Variants in STXBP5L observed in about 807,000 individuals in gnomAD.
STXBP5L encodes syntaxin binding protein 5L, also known as syntaxin-binding protein 5-like.
STXBP5L carries 65 observed loss-of-function variants against 144.5 expected under a neutral mutation model. The ratio of observed to expected loss-of-function variants is 0.45; its 90% CI spans 0.37 to 0.55. The LOEUF is 0.55. Ranked by LOEUF, STXBP5L falls within the 20% of genes least tolerant of loss-of-function variation. The pLI is 0.00. For synonymous variants in STXBP5L, 505 were observed against 469.6 expected (o/e 1.08, Z -0.97); for missense variants, 1,298 against 1,405.5 (o/e 0.92, Z 1.22).
intron 5 of STXBP5L, among the ~76,000 whole-genome samples, chr3:121,080,021 A>G (rs1025993046): frequency 6.6e-6 from 1 of 152,190 alleles, no homozygotes; most frequent in Non-Finnish European, 1.5e-5. Context: ...AGGTGGATAT[A>G]AATTTAGAAT....
chr3:121,237,459 G>T (rs1215673149), intron 12 of STXBP5L, among the ~76,000 whole-genome samples: 1 of 152,204 alleles, frequency 6.6e-6, no homozygotes, highest in Non-Finnish European at 1.5e-5. Flanking sequence ...CTGTGATTGT[G>T]ATGGGATGGG....
intron 14 of STXBP5L, among the ~76,000 whole-genome samples, chr3:121,243,594 C>T (rs1244115000): frequency 2.6e-5 from 4 of 151,512 alleles, no homozygotes; most frequent in African/African-American, 4.8e-5. Flanking sequence ...CTACTTGCCC[C>T]GAGAATACTC....
intron 20 of STXBP5L, among the ~76,000 whole-genome samples, chr3:121,353,214 A>G (rs1389742702): frequency 3.9e-5 from 6 of 152,142 alleles, no homozygotes; most frequent in African/African-American, 1.2e-4. Flanking sequence ...GTTTGGGAGG[A>G]TCCCCTCTTT....
At chr3:121,199,955 G>A (rs780701304) in intron 9 of STXBP5L, among the ~76,000 whole-genome samples, 1 of 151,878 alleles carries the variant, frequency 6.6e-6, no homozygotes, top group Non-Finnish European at 1.5e-5. Flanking sequence ...TTTTTTTCTT[G>A]TGTTTCTGCC....
intron 3 of STXBP5L, among the ~76,000 whole-genome samples, chr3:120,979,399 A>G (rs1337726248): frequency 6.6e-6 from 1 of 152,166 alleles, no homozygotes; most frequent in African/African-American, 2.4e-5. Flanking sequence ...AGCCTGTCGG[A>G]AAAGCGCAGT....
At chr3:120,963,424 T>C (rs1939121914) in intron 3 of STXBP5L, among the ~76,000 whole-genome samples, 1 of 152,212 alleles carries the variant, frequency 6.6e-6, no homozygotes. Context: ...TAAATAGCTC[T>C]TATTATTTTG....
At chr3:121,101,359 A>G (rs9835852) in intron 5 of STXBP5L, among the ~76,000 whole-genome samples, 15,108 of 145,774 alleles carry the variant, frequency 0.1, 1,179 homozygotes, top group Admixed American at 0.21. Flanking sequence ...TACTAAGAAA[A>G]AGAATCCAAC....
chr3:121,221,854 T>C (rs1403433971), intron 10 of STXBP5L, among the ~76,000 whole-genome samples: 7 of 151,872 alleles, frequency 4.6e-5, no homozygotes, highest in African/African-American at 1.7e-4. Flanking sequence ...TTTATATGTA[T>C]GTTTGTATAG....
In STXBP5L at chr3:121,424,616, ATCTT is replaced by A. The variant is rs1440303221; in HGVS notation, c.*5526_*5529del. On this transcript the variant is annotated 3_prime_UTR_variant, in exon 27 of 27. Transcript: ENST00000471454. ...AAGAAACAGATGACATCATTGATGT[ATCTT>A]TCTTTCATCTTCAGAATTTTTGCAT... 4 of 152,228 alleles carry A rather than the reference ATCTT, an allele frequency of 2.6e-5. No individual in the cohort carries two copies. Among genetic ancestry groups the A allele is most frequent in the African/African-American group, 7.2e-5 (3 of 41,470 alleles). 9.4% of individuals were successfully genotyped at this position (152,228 alleles called of 1,614,324 possible). A position where few individuals can be genotyped will look rare whatever the true frequency, so the allele number is the denominator to read the frequency against.
At chr3:121,237,526 G>C (rs1274819163) in intron 12 of STXBP5L, among the ~76,000 whole-genome samples, 1 of 152,130 alleles carries the variant, frequency 6.6e-6, no homozygotes, top group African/African-American at 2.4e-5. Context: ...TTAATACCTT[G>C]CTCTCTTACT....
Position 121,152,460 on chromosome 3 carries a change from G to T in STXBP5L, c.670-17G>T, listed in dbSNP as rs761727972. 12 of 1,555,842 alleles carry T rather than the reference G, an allele frequency of 7.7e-6. No individual in the cohort carries two copies. The highest frequency in any genetic ancestry group is 1.9e-5 in the Admixed American group (1 of 53,992). On this transcript the variant is annotated splice_polypyrimidine_tract_variant and intron_variant, in intron 7 of 26. Transcript: ENST00000471454. ...TAATGTTAGAATTAAGAAAATGATT[G>T]TTCTAATGTTTTCCAGCTGCTAATA...
rs1347823882 is a variant in STXBP5L, at chr3:120,971,230, A to G, written c.287+16193A>G. 3.9e-5 allele frequency among the ~76,000 whole-genome samples: 6 copies of G among 152,182 alleles called. No homozygotes were observed. In the East Asian group the frequency reaches 1.2e-3, roughly 29 times the overall value. On this transcript the variant is annotated intron_variant, in intron 3 of 26. Transcript: ENST00000471454. Reference sequence around the variant, plus strand: ...GTCAGTTGCTTTTACAATTTTATTTATTTAAGAAAATTTTTTTGTAAATTT... The same window carrying G: ...GTCAGTTGCTTTTACAATTTTATTTGTTTAAGAAAATTTTTTTGTAAATTT...
Position 120,952,098 on chromosome 3 carries a change from T to C in STXBP5L, c.190-2842T>C, listed in dbSNP as rs981701315. ...CATATTCTCACTCATAGGTGGGAAT[T>C]GAACAATGAGAACACATGGATACAG... On this transcript the variant is annotated intron_variant, in intron 2 of 26. Coordinates refer to ENST00000471454, the MANE Select transcript of STXBP5L (RefSeq NM_001308330.2). 5.5e-5 allele frequency among the ~76,000 whole-genome samples: 8 copies of C among 144,870 alleles called. No homozygotes were observed. The East Asian group carries it at 1.4e-3, about 26-fold the overall frequency.
intron 19 of STXBP5L, among the ~76,000 whole-genome samples, chr3:121,300,162 A>T (rs2051831600): frequency 1.3e-5 from 2 of 152,142 alleles, no homozygotes; most frequent in African/African-American, 4.8e-5. Context: ...TAGAGACAAC[A>T]TAATGACGTC....
At chr3:121,059,755 C>A (rs1292268717) in intron 5 of STXBP5L, among the ~76,000 whole-genome samples, 1 of 152,110 alleles carries the variant, frequency 6.6e-6, no homozygotes, top group African/African-American at 2.4e-5. Flanking sequence ...TGGGAATTCA[C>A]TCATGATTTG....
intron 6 of STXBP5L, among the ~76,000 whole-genome samples, chr3:121,121,368 C>T (rs544629646): frequency 6.6e-6 from 1 of 151,362 alleles, no homozygotes; most frequent in South Asian, 2.1e-4. Flanking sequence ...TATCTGACAA[C>T]AAACGTTTCA....
At chr3:121,384,466 C>T (rs2046383023) in intron 22 of STXBP5L, among the ~76,000 whole-genome samples, 1 of 152,056 alleles carries the variant, frequency 6.6e-6, no homozygotes, top group Non-Finnish European at 1.5e-5. Flanking sequence ...GAGTTCAAGA[C>T]CAGCCTGGGC....
chr3:121,067,548 A>C (rs959186047), intron 5 of STXBP5L, among the ~76,000 whole-genome samples: 1 of 152,168 alleles, frequency 6.6e-6, no homozygotes, highest in Non-Finnish European at 1.5e-5. Flanking sequence ...GCACATGGAC[A>C]ATTTTAGTAA....
chr3:121,220,654 G>A (rs2048945994), intron 10 of STXBP5L, among the ~76,000 whole-genome samples: 2 of 152,168 alleles, frequency 1.3e-5, no homozygotes, highest in Non-Finnish European at 2.9e-5. Context: ...GGTTTTGCAA[G>A]TGCAAATTAT....
Sources: allele counts gnomAD v4.1 joint callset (sites outside exome capture counted in the v4.1 genomes callset), GRCh38; gene constraint gnomAD v4.1.1; transcripts MANE v1.5; gene names NCBI Gene and HGNC (gene_info 2026-07-23, HGNC 2026-07-21).